The following SUGCT variants were observed in gnomAD, a reference collection of about 807,000 sequenced individuals.
SUGCT encodes succinyl-CoA:glutarate CoA-transferase.
SUGCT carries 41 observed loss-of-function variants against 55.0 expected under a neutral mutation model. The observed-to-expected ratio is 0.74, with a 90% confidence interval of 0.58 to 0.97. The LOEUF (loss-of-function observed/expected upper bound fraction) is 0.97. Ranked by LOEUF, SUGCT falls within the 50% of genes least tolerant of loss-of-function variation. The pLI, the probability that SUGCT is intolerant of heterozygous loss-of-function variation, is 0.00. For missense variants in SUGCT, 568 were observed against 547.8 expected (o/e 1.04, Z -0.37); for synonymous variants, 187 against 200.4 (o/e 0.93, Z 0.56).
intron 13 of SUGCT, among the ~76,000 whole-genome samples, chr7:40,753,522 G>T (rs945366867): frequency 6.6e-6 from 1 of 152,140 alleles, no homozygotes; most frequent in East Asian, 1.9e-4. Flanking sequence ...AGCATTACCA[G>T]CTTATTACCA....
chr7:40,699,777 G>A (rs537818108), intron 12 of SUGCT, among the ~76,000 whole-genome samples: 14 of 152,252 alleles, frequency 9.2e-5, no homozygotes, highest in African/African-American at 2.2e-4. Context: ...GCTGAGGCAC[G>A]AGGATTGCTT....
intron 9 of SUGCT, among the ~76,000 whole-genome samples, chr7:40,339,270 A>G (rs1393740640): frequency 1.3e-5 from 2 of 152,162 alleles, no homozygotes; most frequent in South Asian, 2.1e-4. Flanking sequence ...GTTCTCTTCA[A>G]AGCTGTCAGA....
chr7:40,313,737 C>T (rs1205519108), intron 8 of SUGCT, among the ~76,000 whole-genome samples: 2 of 151,314 alleles, frequency 1.3e-5, no homozygotes, highest in East Asian at 1.9e-4. Context: ...CTCAGGTGAT[C>T]CCCCCATCTG....
chr7:41,002,160 A>G, the SUGCT span, among the ~76,000 whole-genome samples: 1 of 152,166 alleles, frequency 6.6e-6, no homozygotes, highest in South Asian at 2.1e-4. Context: ...AGCTGGGACT[A>G]CAGGCACACA....
intron 9 of SUGCT, among the ~76,000 whole-genome samples, chr7:40,369,045 A>G (rs1322539067): frequency 6.6e-6 from 1 of 152,066 alleles, no homozygotes; most frequent in Non-Finnish European, 1.5e-5. Context: ...AGGAGGTTGC[A>G]GTGAGCTGAG....
Position 40,237,612 on chromosome 7 carries a change from T to G in SUGCT, c.485-23T>G, listed in dbSNP as rs148405773. ...TTAGCACACCCTGTGTGGTGCTGAA[T>G]ATGTTTATTTTTGTTGTTTTAGGGT... On this transcript the variant is annotated intron_variant, in intron 6 of 13. Coordinates refer to ENST00000335693, the MANE Select transcript of SUGCT (RefSeq NM_001193313.2). The G allele has an allele frequency of 5.4e-4, 869 of 1,595,084 alleles. 6 individuals carry two copies. In the Middle Eastern group the frequency reaches 0.017, roughly 30 times the overall value.
rs557921067 is a variant in SUGCT at position 40,257,925 on chromosome 7, A to G, written c.577-16588A>G. ...TAAGTATCATGAACAATATAGCAGG[A>G]GTATAGATTGGGATAATGGTTTTAA... On this transcript the variant is annotated intron_variant, in intron 7 of 13. Transcript: ENST00000335693. Among the ~76,000 whole-genome samples, 22 of 152,240 alleles carry G rather than the reference A, an allele frequency of 1.4e-4. No individual in the cohort carries two copies. In the South Asian group the frequency reaches 2.7e-3, roughly 19 times the overall value.
chr7:40,603,441 CAA>C (rs1033165394), intron 12 of SUGCT, among the ~76,000 whole-genome samples: 2 of 152,118 alleles, frequency 1.3e-5, no homozygotes, highest in African/African-American at 4.8e-5. Flanking sequence ...TCAGAGTTCC[CAA>C]AAGAGTCTAG....
At chr7:40,195,457 G>A (rs971005644) in intron 6 of SUGCT, among the ~76,000 whole-genome samples, 6 of 151,728 alleles carry the variant, frequency 4.0e-5, no homozygotes, top group East Asian at 1.9e-4. Flanking sequence ...TCCTGACCTC[G>A]TGATCTGCTC....
intron 13 of SUGCT, among the ~76,000 whole-genome samples, chr7:40,818,454 C>T (rs1288116522): frequency 6.6e-6 from 1 of 152,192 alleles, no homozygotes; most frequent in Non-Finnish European, 1.5e-5. Flanking sequence ...AATATGGTAC[C>T]CAGAACATGA....
intron 7 of SUGCT, among the ~76,000 whole-genome samples, chr7:40,250,429 A>G (rs1478288779): frequency 6.6e-6 from 1 of 151,592 alleles, no homozygotes; most frequent in African/African-American, 2.4e-5. Context: ...ATTCTTATAT[A>G]TAATACATAT....
chr7:40,168,893 G>A (rs2150671079), intron 1 of SUGCT, among the ~76,000 whole-genome samples: 1 of 152,208 alleles, frequency 6.6e-6, no homozygotes, highest in Non-Finnish European at 1.5e-5. Flanking sequence ...GTCCCGCCTT[G>A]CGGATCTTTT....
At chr7:40,564,092 G>T (rs1021976423) in intron 12 of SUGCT, among the ~76,000 whole-genome samples, 14 of 152,188 alleles carry the variant, frequency 9.2e-5, no homozygotes, top group African/African-American at 3.4e-4. Flanking sequence ...GCAACGTCTT[G>T]GCCGGGCGCC....
chr7:40,752,478 C>T (rs1335395709), intron 13 of SUGCT, among the ~76,000 whole-genome samples: 1 of 152,198 alleles, frequency 6.6e-6, no homozygotes, highest in African/African-American at 2.4e-5. Flanking sequence ...GCCTCAGCCT[C>T]CTGAGTAGCT....
intron 13 of SUGCT, among the ~76,000 whole-genome samples, chr7:40,815,162 C>T (rs938067134): frequency 6.6e-6 from 1 of 152,330 alleles, no homozygotes; most frequent in Admixed American, 6.5e-5. Flanking sequence ...GTCTGAGCTC[C>T]CTCCTCAGCC....
At chr7:40,857,305 C>T (rs983180281) in intron 13 of SUGCT, among the ~76,000 whole-genome samples, 4 of 152,074 alleles carry the variant, frequency 2.6e-5, no homozygotes, top group Non-Finnish European at 5.9e-5. Flanking sequence ...AGGGATGTCC[C>T]TGCTATTATT....
chr7:40,898,660 C>A, the SUGCT span, among the ~76,000 whole-genome samples: 1 of 151,864 alleles, frequency 6.6e-6, no homozygotes, highest in African/African-American at 2.4e-5. Context: ...GGAGGCGGAC[C>A]TTGCAGTGAG....
intron 12 of SUGCT, among the ~76,000 whole-genome samples, chr7:40,510,354 C>T (rs974436180): frequency 3.9e-5 from 6 of 151,992 alleles, no homozygotes; most frequent in African/African-American, 7.2e-5. Context: ...TATCATTTTT[C>T]TATATAAGGC....
intron 6 of SUGCT, among the ~76,000 whole-genome samples, chr7:40,200,876 G>T (rs1786555502): frequency 6.6e-6 from 1 of 152,144 alleles, no homozygotes; most frequent in Non-Finnish European, 1.5e-5. Context: ...CCCTCATAGT[G>T]TTTCAGAGTC....
Sources: allele counts gnomAD v4.1 joint callset (sites outside exome capture counted in the v4.1 genomes callset), GRCh38; gene constraint gnomAD v4.1.1; transcripts MANE v1.5; gene names NCBI Gene and HGNC (gene_info 2026-07-23, HGNC 2026-07-21).